Variants in MITF observed in about 807,000 individuals in gnomAD.
MITF encodes the protein microphthalmia-associated transcription factor.
A neutral mutation model predicts 60.5 loss-of-function variants in MITF; 17 were observed. The observed-to-expected ratio is 0.28, with a 90% CI of 0.19 to 0.42. The LOEUF (loss-of-function observed/expected upper bound fraction) is 0.42, where lower values mean the gene tolerates loss of function less well. Among genes scored for constraint, MITF ranks in the 10% least tolerant of loss-of-function variants. The probability of loss-of-function intolerance (pLI) is 1.00; values close to 1 mark genes in which losing one functional copy is unlikely to be tolerated. For missense variants in MITF, 622 were observed against 683.5 expected (o/e 0.91, Z 1.00); for synonymous variants, 260 against 248.5 (o/e 1.05, Z -0.43).
intron 2 of MITF, chr3:69,936,833 A>G (rs2065847423): frequency 3.8e-6 from 5 of 1,329,378 alleles, no homozygotes; most frequent in Non-Finnish European, 5.4e-6. Context: ...TTGTTATTGT[A>G]ATAGACATAC....
intron 1 of MITF, among the ~76,000 whole-genome samples, chr3:69,869,918 A>T (rs1173280599): frequency 6.6e-6 from 1 of 152,010 alleles, no homozygotes; most frequent in Non-Finnish European, 1.5e-5. Context: ...CCAGCTGAGG[A>T]TCCCACAATC....
Position 69,941,223 on chromosome 3 carries a change from C to A in MITF, c.667-13C>A. The A allele has an allele frequency of 6.4e-7, 1 of 1,572,260 alleles. No individual in the cohort carries two copies. Among genetic ancestry groups the A allele is most frequent in the Non-Finnish European group, 8.8e-7 (1 of 1,142,598 alleles). ...TTATTTTTGTCTCTCTTCTCTTACC[C>A]TTTTTCCTACAGATGGATGATGTAA... is the stretch of plus-strand genomic sequence containing the variant. On this transcript the variant is annotated splice_polypyrimidine_tract_variant and intron_variant, in intron 4 of 9. Transcript: ENST00000352241.
intron 1 of MITF, among the ~76,000 whole-genome samples, chr3:69,852,994 C>A (rs941438351): frequency 6.6e-6 from 1 of 151,864 alleles, no homozygotes; most frequent in African/African-American, 2.4e-5. Flanking sequence ...TAGATAAGTC[C>A]AGAAGGATAA....
At chr3:69,950,477 T>TAC (rs1491327866) in intron 6 of MITF, among the ~76,000 whole-genome samples, 63 of 128,640 alleles carry the variant, frequency 4.9e-4, no homozygotes, top group African/African-American at 1.8e-3. Flanking sequence ...TATATATATA[T>TAC]GCACACACAT....
Position 69,893,039 on chromosome 3 carries a change from A to C in MITF, c.354+13656A>C, listed in dbSNP as rs1432767404. Among the ~76,000 whole-genome samples the C allele has an allele frequency of 2.6e-5, 4 of 152,200 alleles. No individual in the cohort carries two copies. In the East Asian group the frequency reaches 7.7e-4, roughly 29 times the overall value. On this transcript the variant is annotated intron_variant, in intron 2 of 9. Coordinates refer to ENST00000352241, the MANE Select transcript of MITF (RefSeq NM_001354604.2). ...TCTGATGCTGGAGTCCTTAACATGC[A>C]CGTCCAGCACGATGACCAAGTACAG...
intron 1 of MITF, chr3:69,763,462 A>C: frequency 1.9e-4 from 149 of 765,392 alleles, no homozygotes; most frequent in Non-Finnish European, 2.2e-4. Context: ...TTCCTGGCTG[A>C]ATTCCCTGTC....
At chr3:69,753,129 A>G (rs1402046585) in intron 1 of MITF, among the ~76,000 whole-genome samples, 2 of 152,166 alleles carry the variant, frequency 1.3e-5, no homozygotes, top group Non-Finnish European at 2.9e-5. Context: ...TGCCCTGCAT[A>G]GCCTTGGGAC....
rs373966844 is a variant in MITF, at chr3:69,956,409, A to G, written c.956-46A>G. ...CTTTAATGAGATGTGCTAAATGCAT[A>G]CATGGCACTGTTACTAATAGCCTTT... On this transcript the variant is annotated intron_variant, in intron 7 of 9. Coordinates refer to ENST00000352241, the MANE Select transcript of MITF (RefSeq NM_001354604.2). 112 of 1,453,088 alleles carry G rather than the reference A, an allele frequency of 7.7e-5. No individual in the cohort carries two copies. The African/African-American group carries it at 1.5e-3, about 19-fold the overall frequency. 90.0% of individuals were successfully genotyped at this position (1,453,088 alleles called of 1,614,324 possible).
chr3:69,755,444 T>G (rs1463894329), intron 1 of MITF, among the ~76,000 whole-genome samples: 2 of 74,740 alleles, frequency 2.7e-5, no homozygotes, highest in Non-Finnish European at 6.8e-5. Context: ...TTTTTTTTTT[T>G]TTTTTTTTTT....
intron 2 of MITF, among the ~76,000 whole-genome samples, chr3:69,911,114 A>C (rs752012449): frequency 2.6e-5 from 4 of 152,078 alleles, no homozygotes; most frequent in Non-Finnish European, 5.9e-5. Flanking sequence ...ATAGTGAATA[A>C]ATCTCATGAG....
intron 1 of MITF, among the ~76,000 whole-genome samples, chr3:69,755,931 C>T (rs1704130315): frequency 6.6e-6 from 1 of 152,152 alleles, no homozygotes; most frequent in South Asian, 2.1e-4. Flanking sequence ...CTACTGGTGT[C>T]ATTGCTACTA....
At chr3:69,804,692 A>T (rs182668291) in intron 1 of MITF, among the ~76,000 whole-genome samples, 31 of 152,258 alleles carry the variant, frequency 2.0e-4, no homozygotes, top group Middle Eastern at 3.4e-3. Flanking sequence ...GTATCATTTC[A>T]ATTTCTTTTT....
chr3:69,812,040 C>A (rs1408157580), intron 1 of MITF, among the ~76,000 whole-genome samples: 3 of 152,088 alleles, frequency 2.0e-5, no homozygotes, highest in Non-Finnish European at 2.9e-5. Flanking sequence ...CAGTGGGTTT[C>A]TGTCCTTATG....
rs1250294181 is a variant in MITF at position 69,953,662 on chromosome 3, T to TATAGAGAG, written c.955+1777_955+1778insTAGAGAGA. On this transcript the variant is annotated intron_variant, in intron 7 of 9. Coordinates refer to ENST00000352241, the MANE Select transcript of MITF (RefSeq NM_001354604.2). Reference sequence around the variant, plus strand: ...ATATATGTATGTATATATATATATATAGAGAGAGAGAGAGAGAGAGAGAGA... The same window carrying TATAGAGAG: ...ATATATGTATGTATATATATATATATATAGAGAGAGAGAGAGAGAGAGAGAGAGAGAGA... 2.2e-4 allele frequency among the ~76,000 whole-genome samples: 30 copies of TATAGAGAG among 136,562 alleles called. No individual in the cohort carries two copies. The East Asian group carries it at 3.6e-3, about 16-fold the overall frequency. The allele number at this position is 136,562 out of a possible 152,430, so 89.6% of individuals were successfully genotyped here. A position where few individuals can be genotyped will look rare whatever the true frequency, so the allele number is the denominator to read the frequency against.
chr3:69,952,497 AGGGATT>A (rs901670690), intron 7 of MITF, among the ~76,000 whole-genome samples: 2 of 152,166 alleles, frequency 1.3e-5, no homozygotes, highest in African/African-American at 4.8e-5. Context: ...TTTTTTAAAA[AGGGATT>A]GGGCTTGGAG....
At chr3:69,819,638 C>CA (rs553917313) in intron 1 of MITF, among the ~76,000 whole-genome samples, 4,849 of 116,908 alleles carry the variant, frequency 0.041, 99 homozygotes, top group Middle Eastern at 0.081. Context: ...CAAAACAAAA[C>CA]AAACAAACAA....
intron 1 of MITF, among the ~76,000 whole-genome samples, chr3:69,835,648 T>G (rs1344796300): frequency 6.6e-6 from 1 of 152,192 alleles, no homozygotes; most frequent in Non-Finnish European, 1.5e-5. Context: ...GAGTTGATTT[T>G]TGTATATGGT....
chr3:69,918,759 C>A (rs181327632), intron 2 of MITF, among the ~76,000 whole-genome samples: 3 of 152,246 alleles, frequency 2.0e-5, no homozygotes, highest in East Asian at 3.9e-4. Flanking sequence ...GAGCATTATG[C>A]TTTGTATATA....
At chr3:69,845,442 C>CTTTTTTTTTTTTTTTTTTTTTTTCTT (rs751773040) in intron 1 of MITF, among the ~76,000 whole-genome samples, 1 of 136,810 alleles carries the variant, frequency 7.3e-6, no homozygotes, top group Non-Finnish European at 1.5e-5. Context: ...TTTTTTCTTT[C>CTTTTTTTTTTTTTTTTTTTTTTTCTT]TTTTTTTTTT....
Sources: gnomAD v4.1 joint callset for allele counts (sites outside exome capture counted in the v4.1 genomes callset) on GRCh38, gnomAD v4.1.1 for gene constraint, MANE v1.5 for transcripts, NCBI Gene and HGNC (gene_info 2026-07-23, HGNC 2026-07-21) for gene names.